Variants in RLN2 observed in about 807,000 individuals in gnomAD.
RLN2 encodes the protein prorelaxin H2.
A neutral mutation model predicts 7.3 loss-of-function variants in RLN2; 10 were observed. That is an observed-to-expected ratio of 1.36 (90% CI 0.84 to 2.31). The LOEUF is 2.31. Ranked by LOEUF, RLN2 falls within the 30% of genes most tolerant of loss-of-function variation. RLN2 has a pLI of 0.00. For missense variants in RLN2, 298 were observed against 217.6 expected (o/e 1.37, Z -2.32); for synonymous variants, 103 against 82.3 (o/e 1.25, Z -1.36).
At chr9:5,312,814 T>A in the RLN2 span, among the ~76,000 whole-genome samples, 1 of 152,048 alleles carries the variant, frequency 6.6e-6, no homozygotes, top group Non-Finnish European at 1.5e-5. Context: ...ATTTCCTTTT[T>A]ATTTCCTTCT....
chr9:5,310,584 A>C, the RLN2 span, among the ~76,000 whole-genome samples: 2 of 151,918 alleles, frequency 1.3e-5, no homozygotes, highest in South Asian at 4.2e-4. Context: ...CGAACCTTTA[A>C]TATTATTACC....
At chr9:5,335,290 T>C in the RLN2 span, 6 of 1,601,072 alleles carry the variant, frequency 3.7e-6, no homozygotes, top group South Asian at 6.9e-5. Context: ...TACAACCAAT[T>C]AGGCAACATT....
upstream of RLN2, among the ~76,000 whole-genome samples, chr9:5,306,109 G>GTT (rs199949652): frequency 1.5e-3 from 198 of 131,504 alleles, 3 homozygotes; most frequent in South Asian, 8.8e-3. Flanking sequence ...TTTGTTTTTT[G>GTT]TTTTTTTTTT....
At chr9:5,333,840 C>T in the RLN2 span, among the ~76,000 whole-genome samples, 1 of 152,020 alleles carries the variant, frequency 6.6e-6, no homozygotes, top group East Asian at 1.9e-4. Flanking sequence ...ACGGCTTTAT[C>T]CCCAGGATGC....
chr9:5,312,609 G>A, the RLN2 span, among the ~76,000 whole-genome samples: 1 of 151,936 alleles, frequency 6.6e-6, no homozygotes, highest in Non-Finnish European at 1.5e-5. Flanking sequence ...CGTTGAAGAA[G>A]GGAGTATAAA....
In RLN2 at chr9:5,304,604, G is replaced by T; in HGVS notation, c.-24C>A. ...ATCCTGGGCCTGGTCTCTCCTGGAG[G>T]TCGGGACGTTGCAGCCTTTCAGGAC... is the stretch of plus-strand genomic sequence containing the variant. On this transcript the variant is annotated 5_prime_UTR_variant, in exon 1 of 2. Transcript: ENST00000381627. 1.9e-6 allele frequency: 3 copies of T among 1,610,704 alleles called. No individual in the cohort carries two copies. In the East Asian group the frequency reaches 6.7e-5, roughly 36 times the overall value.
the RLN2 span, chr9:5,311,361 G>A: frequency 2.3e-6 from 1 of 440,032 alleles, no homozygotes; most frequent in Non-Finnish European, 4.2e-6. Flanking sequence ...AACTAATGTA[G>A]CTGATAGGGA....
chr9:5,332,047 T>C, the RLN2 span, among the ~76,000 whole-genome samples: 6 of 152,116 alleles, frequency 3.9e-5, no homozygotes, highest in African/African-American at 1.4e-4. Context: ...CAAATGTCTA[T>C]TATAAGAGAT....
the RLN2 span, among the ~76,000 whole-genome samples, chr9:5,312,129 C>A: frequency 6.6e-6 from 1 of 151,880 alleles, no homozygotes; most frequent in Admixed American, 6.6e-5. Context: ...ACACCTTTCC[C>A]TTCTAGTTTT....
chr9:5,304,794 TC>T, upstream of RLN2: 1 of 586,564 alleles, frequency 1.7e-6, no homozygotes, highest in South Asian at 2.1e-5. Flanking sequence ...CACAGAATTT[TC>T]CCCCTCAGCT....
Position 5,299,976 on chromosome 9 carries a change from C to T in RLN2, c.*122G>A, listed in dbSNP as rs763961610. 1 of 581,924 alleles carries T rather than the reference C, an allele frequency of 1.7e-6. No homozygotes were observed. The highest frequency in any genetic ancestry group is 1.9e-5 in the African/African-American group (1 of 53,316). 36.0% of individuals were successfully genotyped at this position (581,924 alleles called of 1,614,324 possible). Reference sequence around the variant, plus strand: ...TTAGATATTCTAAGAATTGATGGGACCTAATATCTAACAAAGATTCTTAGA... The same window carrying T: ...TTAGATATTCTAAGAATTGATGGGATCTAATATCTAACAAAGATTCTTAGA... On this transcript the variant is annotated 3_prime_UTR_variant, in exon 2 of 2. Transcript: ENST00000381627.
chr9:5,312,470 G>A, the RLN2 span, among the ~76,000 whole-genome samples: 1 of 151,990 alleles, frequency 6.6e-6, no homozygotes, highest in African/African-American at 2.4e-5. Flanking sequence ...AGTCAGGGTC[G>A]GCTTGTGAAA....
upstream of RLN2, among the ~76,000 whole-genome samples, chr9:5,305,362 C>CAT (rs1563736491): frequency 2.5e-5 from 1 of 40,156 alleles, no homozygotes; most frequent in South Asian, 1.1e-3. Context: ...GAACATACCA[C>CAT]ACACACACAC....
At chr9:5,330,876 G>A in the RLN2 span, among the ~76,000 whole-genome samples, 1 of 150,860 alleles carries the variant, frequency 6.6e-6, no homozygotes, top group Non-Finnish European at 1.5e-5. Flanking sequence ...AGAAAAGAGA[G>A]AAGAATCAAA....
At chr9:5,304,875 C>G, upstream of RLN2, 1 of 405,236 alleles carries the variant, frequency 2.5e-6, no homozygotes, top group South Asian at 3.3e-5. Context: ...CAGTTGTGTT[C>G]TTCTCATTCA....
the RLN2 span, among the ~76,000 whole-genome samples, chr9:5,332,477 G>C: frequency 0.25 from 38,638 of 151,740 alleles, 5,422 homozygotes; most frequent in East Asian, 0.4. Flanking sequence ...GGTTTATTTT[G>C]TTGAATTTAC....
At chr9:5,327,481 G>A in the RLN2 span, among the ~76,000 whole-genome samples, 5 of 152,072 alleles carry the variant, frequency 3.3e-5, no homozygotes, top group African/African-American at 4.8e-5. Context: ...GCAGGGCATA[G>A]TAGAACAAAA....
rs1360433090 is a variant in RLN2, at chr9:5,304,291, C to T, written c.211+79G>A. 1.3e-4 allele frequency: 123 copies of T among 948,076 alleles called. 1 individual carries two copies. The highest frequency in any genetic ancestry group is 3.2e-4 in the Middle Eastern group (1 of 3,172). 58.7% of individuals were successfully genotyped at this position (948,076 alleles called of 1,614,324 possible). A position where few individuals can be genotyped will look rare whatever the true frequency, so the allele number is the denominator to read the frequency against. On this transcript the variant is annotated intron_variant, in intron 1 of 1. Transcript: ENST00000381627. ...TGAGATCTCGAGTCGGACGTGCAGG[C>T]CGCCGTTCCAATTGGGCGGCCGCCC...
the RLN2 span, among the ~76,000 whole-genome samples, chr9:5,326,099 T>G: frequency 4.7e-4 from 71 of 152,240 alleles, 1 homozygote; most frequent in Middle Eastern, 3.4e-3. Flanking sequence ...CAATCTAAAA[T>G]TGCTAGAAAC....
Sources: allele counts gnomAD v4.1 joint callset (sites outside exome capture counted in the v4.1 genomes callset), GRCh38; gene constraint gnomAD v4.1.1; transcripts MANE v1.5; gene names NCBI Gene and HGNC (gene_info 2026-07-23, HGNC 2026-07-21).